NKAIN2: variants seen among roughly 807,000 people sequenced by gnomAD.
NKAIN2 encodes the protein sodium/potassium transporting ATPase interacting 2.
Under a neutral mutation model 32.6 loss-of-function variants are expected in NKAIN2, and 14 were observed. The observed-to-expected ratio is 0.43, with a 90% confidence interval of 0.28 to 0.67. The LOEUF (loss-of-function observed/expected upper bound fraction) is 0.67. NKAIN2 is among the 30% of genes least tolerant of loss of function. The pLI is 0.17. For synonymous variants in NKAIN2, 80 were observed against 87.2 expected, an observed-to-expected ratio of 0.92 and a Z score of 0.46; for missense variants, 198 against 258.3, an observed-to-expected ratio of 0.77 and a Z score of 1.60.
rs145722460 is a variant in NKAIN2 at position 124,739,584 on chromosome 6, T to C, written c.475-51755T>C. On this transcript the variant is annotated intron_variant, in intron 4 of 6. Transcript: ENST00000368417. The stretch of plus-strand genomic sequence containing the variant: ...CTCAAGGTTACGTAGTCTGTTATCA[T>C]TGTAGCATGTCCCTTGGGATAATGG... Among the ~76,000 whole-genome samples the C allele has an allele frequency of 4.4e-3, 666 of 151,982 alleles. 4 individuals are homozygous for C. The highest frequency in any genetic ancestry group is 5.8e-3 in the Non-Finnish European group (396 of 67,876).
At chr6:124,791,460 T>C in intron 5 of NKAIN2, 61 bp downstream of exon 5, 2 of 1,119,546 alleles carry the variant, frequency 1.8e-6, no homozygotes, top group Non-Finnish European at 2.7e-6. Flanking sequence ...TACTGCCTCC[T>C]ACTTAGCCTT....
rs1269639477 is a variant in NKAIN2, at chr6:124,703,666, A to G, written c.474+45280A>G. 2.0e-5 allele frequency among the ~76,000 whole-genome samples: 3 copies of G among 152,210 alleles called. No homozygotes were observed. In the South Asian group the frequency reaches 6.2e-4, roughly 32 times the overall value. On this transcript the variant is annotated intron_variant, in intron 4 of 6. Transcript: ENST00000368417. ...CAGTCCCACGAGCACAAGCCTAGTC[A>G]TAAAGGTTGATGCCTTTTGCTAAGA...
At chr6:123,869,212 G>A (rs1005577892) in intron 1 of NKAIN2, among the ~76,000 whole-genome samples, 2 of 152,092 alleles carry the variant, frequency 1.3e-5, no homozygotes, top group East Asian at 3.9e-4. Flanking sequence ...CATAAAATAG[G>A]CCCACACTTA....
intron 1 of NKAIN2, among the ~76,000 whole-genome samples, chr6:124,228,581 A>G (rs560311094): frequency 5.7e-4 from 87 of 152,300 alleles, no homozygotes; most frequent in Non-Finnish European, 1.1e-3. Context: ...AACTTAGTCC[A>G]TAGCAAGACC....
intron 1 of NKAIN2, among the ~76,000 whole-genome samples, chr6:124,012,738 G>A (rs572949839): frequency 6.6e-6 from 1 of 152,210 alleles, no homozygotes; most frequent in African/African-American, 2.4e-5. Context: ...CCTGTTAATA[G>A]ACACTTGGGT....
At chr6:124,091,865 G>T (rs140892581) in intron 1 of NKAIN2, among the ~76,000 whole-genome samples, 1 of 151,832 alleles carries the variant, frequency 6.6e-6, no homozygotes, top group Non-Finnish European at 1.5e-5. Context: ...ACTCTTTCCC[G>T]CATCATATGC....
intron 2 of NKAIN2, among the ~76,000 whole-genome samples, chr6:124,287,707 A>G (rs996564160): frequency 1.3e-5 from 2 of 152,182 alleles, no homozygotes; most frequent in African/African-American, 2.4e-5. Flanking sequence ...ATTATTTTAC[A>G]TCATAAATGG....
At chr6:124,442,960 T>C (rs1426752959) in intron 3 of NKAIN2, among the ~76,000 whole-genome samples, 1 of 152,128 alleles carries the variant, frequency 6.6e-6, no homozygotes, top group Non-Finnish European at 1.5e-5. Flanking sequence ...TGCTCAAAGC[T>C]GACAGCCCTT....
chr6:123,942,517 G>A (rs1490704047), intron 1 of NKAIN2, among the ~76,000 whole-genome samples: 5 of 151,862 alleles, frequency 3.3e-5, no homozygotes, highest in African/African-American at 4.8e-5. Context: ...TACTTTTGAC[G>A]CAAGACTAAA....
chr6:123,867,935 C>A (rs1282985258), intron 1 of NKAIN2, among the ~76,000 whole-genome samples: 1 of 145,118 alleles, frequency 6.9e-6, no homozygotes, highest in Non-Finnish European at 1.5e-5. Flanking sequence ...GTGGCGTGAT[C>A]TCTGCTCACT....
At chr6:124,432,547 A>G (rs1254495983) in intron 3 of NKAIN2, among the ~76,000 whole-genome samples, 3 of 152,154 alleles carry the variant, frequency 2.0e-5, no homozygotes, top group Non-Finnish European at 4.4e-5. Context: ...GGTAGAGGCT[A>G]CAGTGAACCG....
At chr6:124,631,371 T>A (rs1783558905) in intron 3 of NKAIN2, among the ~76,000 whole-genome samples, 2 of 152,190 alleles carry the variant, frequency 1.3e-5, no homozygotes, top group South Asian at 4.1e-4. Flanking sequence ...GTGAACTAGA[T>A]AGACTGATAT....
At chr6:124,340,291 T>G (rs937200487) in intron 2 of NKAIN2, among the ~76,000 whole-genome samples, 1 of 152,172 alleles carries the variant, frequency 6.6e-6, no homozygotes, top group Non-Finnish European at 1.5e-5. Flanking sequence ...ATCTACATCT[T>G]AAAGCCTTGT....
intron 4 of NKAIN2, among the ~76,000 whole-genome samples, chr6:124,716,320 T>C (rs1050504950): frequency 6.6e-6 from 1 of 152,206 alleles, no homozygotes; most frequent in Non-Finnish European, 1.5e-5. Context: ...ATCTGCCCTC[T>C]ATGGGAACAC....
At chr6:124,219,038 A>G (rs538629276) in intron 1 of NKAIN2, among the ~76,000 whole-genome samples, 1 of 152,150 alleles carries the variant, frequency 6.6e-6, no homozygotes, top group Non-Finnish European at 1.5e-5. Flanking sequence ...CTTACTGGGG[A>G]GACCACCTCC....
intron 4 of NKAIN2, among the ~76,000 whole-genome samples, chr6:124,737,553 G>A (rs1777012091): frequency 6.6e-6 from 1 of 151,862 alleles, no homozygotes; most frequent in African/African-American, 2.4e-5. Flanking sequence ...AAATGTGGAA[G>A]CAGCTTTGGA....
intron 3 of NKAIN2, among the ~76,000 whole-genome samples, chr6:124,478,586 C>G (rs1777324232): frequency 6.6e-6 from 1 of 152,076 alleles, no homozygotes; most frequent in Admixed American, 6.6e-5. Context: ...TCTAAATAAC[C>G]AAAGCTAAAA....
At chr6:124,692,138 C>G (rs1774286737) in intron 4 of NKAIN2, among the ~76,000 whole-genome samples, 1 of 152,166 alleles carries the variant, frequency 6.6e-6, no homozygotes, top group Non-Finnish European at 1.5e-5. Context: ...TGTTTAAATA[C>G]TGGTTTAACT....
At chr6:124,785,661 G>C (rs1452676714) in intron 4 of NKAIN2, among the ~76,000 whole-genome samples, 1 of 152,122 alleles carries the variant, frequency 6.6e-6, no homozygotes, top group African/African-American at 2.4e-5. Context: ...TTTTCATTAA[G>C]TTTGGGAGGC....
Sources: allele counts gnomAD v4.1 joint callset (sites outside exome capture counted in the v4.1 genomes callset), GRCh38; gene constraint gnomAD v4.1.1; transcripts MANE v1.5; gene names NCBI Gene and HGNC (gene_info 2026-07-23, HGNC 2026-07-21).